Variants in RNF144A observed in about 807,000 individuals in gnomAD.
RNF144A encodes E3 ubiquitin-protein ligase RNF144A.
Under a neutral mutation model 38.7 loss-of-function variants are expected in RNF144A, and 11 were observed. That is an observed-to-expected ratio of 0.28 (90% CI 0.18 to 0.47). The LOEUF is 0.47. Among genes scored for constraint, RNF144A ranks in the 20% least tolerant of loss-of-function variants. The pLI is 0.99. For synonymous variants in RNF144A, 149 were observed against 143.9 expected (o/e 1.04, Z -0.25); for missense variants, 316 against 377.2 (o/e 0.84, Z 1.34).
intron 8 of RNF144A, among the ~76,000 whole-genome samples, chr2:7,037,994 C>T (rs560124772): frequency 6.6e-6 from 1 of 152,370 alleles, no homozygotes; most frequent in South Asian, 2.1e-4. Flanking sequence ...AATGGCGAGG[C>T]CGGCTGGAAA....
chr2:7,059,224 G>A (rs1428529653), intron 6 of RNF144A, among the ~76,000 whole-genome samples: 4 of 152,120 alleles, frequency 2.6e-5, no homozygotes, highest in African/African-American at 4.8e-5. Flanking sequence ...GCGGGTGCCT[G>A]TAGTCCCAGC....
chr2:6,968,777 C>T (rs1035950266), intron 2 of RNF144A, among the ~76,000 whole-genome samples: 4 of 152,144 alleles, frequency 2.6e-5, no homozygotes, highest in South Asian at 2.1e-4. Context: ...GTGAACTTGG[C>T]GAGGGCATTG....
intron 2 of RNF144A, among the ~76,000 whole-genome samples, chr2:6,975,899 G>T (rs1198307829): frequency 6.6e-6 from 1 of 152,232 alleles, no homozygotes; most frequent in African/African-American, 2.4e-5. Context: ...TTTATCGTAG[G>T]ATATATGCTG....
rs567872027 is a variant in RNF144A at position 6,962,480 on chromosome 2, C to G, written c.-12+21333C>G. On this transcript the variant is annotated intron_variant, in intron 2 of 8. Coordinates refer to ENST00000320892, the MANE Select transcript of RNF144A (RefSeq NM_014746.6). This position sits in a 1 kb window ranked among gnomAD's most constrained non-coding sequence, Gnocchi z 4.1. ...CAAGAGAAATGATTTTGGGAGGTTG[C>G]TTTTTGTTAGAAGGGAAGCTCTGCC... Among the ~76,000 whole-genome samples, 1 of 152,210 alleles carries G rather than the reference C, an allele frequency of 6.6e-6. No homozygotes were observed. The highest frequency in any genetic ancestry group is 2.1e-4 in the South Asian group (1 of 4,822).
At chr2:6,977,239 C>T (rs1558399592) in intron 2 of RNF144A, among the ~76,000 whole-genome samples, 1 of 152,224 alleles carries the variant, frequency 6.6e-6, no homozygotes, top group Admixed American at 6.5e-5. Context: ...AAGCAGGATG[C>T]AGAGAGCTTA....
At chr2:6,934,838 G>A (rs2103286014) in intron 1 of RNF144A, among the ~76,000 whole-genome samples, 1 of 152,326 alleles carries the variant, frequency 6.6e-6, no homozygotes, top group Middle Eastern at 3.4e-3. Flanking sequence ...TCTGACCTGG[G>A]CAAGGATTTT....
At chr2:6,983,654 A>G (rs1668777162) in intron 2 of RNF144A, among the ~76,000 whole-genome samples, 1 of 152,018 alleles carries the variant, frequency 6.6e-6, no homozygotes, top group Non-Finnish European at 1.5e-5. Flanking sequence ...GAGTTTCCTG[A>G]CTGTTTCTGA....
intron 6 of RNF144A, among the ~76,000 whole-genome samples, chr2:7,060,800 C>T (rs867302586): frequency 6.6e-5 from 10 of 152,216 alleles, no homozygotes; most frequent in Non-Finnish European, 2.9e-5. Flanking sequence ...CCACCTGACC[C>T]CATCGCCCCT....
At chr2:6,929,906 A>G (rs994559060) in intron 1 of RNF144A, among the ~76,000 whole-genome samples, 1 of 152,220 alleles carries the variant, frequency 6.6e-6, no homozygotes, top group Non-Finnish European at 1.5e-5. Context: ...TTCGAATATG[A>G]TGAAGTGGGT....
chr2:7,018,397 C>G (rs1671282856), intron 5 of RNF144A, among the ~76,000 whole-genome samples: 1 of 152,256 alleles, frequency 6.6e-6, no homozygotes, highest in African/African-American at 2.4e-5. Context: ...ACAGCACTCA[C>G]AGAGGGCAGG....
At chr2:6,996,773 C>T (rs1669772320) in intron 2 of RNF144A, 143 bp from the exon 3 acceptor site, 1 of 807,524 alleles carries the variant, frequency 1.2e-6, no homozygotes, top group African/African-American at 1.7e-5. Context: ...AAAAAATTCT[C>T]AGAACATCCA....
chr2:6,997,179 T>C, intron 3 of RNF144A, 118 bp downstream of exon 3: 1 of 914,512 alleles, frequency 1.1e-6, no homozygotes, highest in South Asian at 1.5e-5. Context: ...TGGAGTCTTC[T>C]TGTTGAGGCC....
chr2:7,071,896 G>A (rs1001428029), downstream of RNF144A, among the ~76,000 whole-genome samples: 8 of 152,346 alleles, frequency 5.3e-5, no homozygotes, highest in African/African-American at 1.9e-4. Flanking sequence ...CTTAAAAGAA[G>A]AAAGAGGGGA....
At chr2:6,932,656 C>T (rs528282754) in intron 1 of RNF144A, among the ~76,000 whole-genome samples, 1 of 152,228 alleles carries the variant, frequency 6.6e-6, no homozygotes, top group South Asian at 2.1e-4. Flanking sequence ...TCAGATAAAT[C>T]AATTGGTTCT....
chr2:6,960,547 T>G (rs1667273128), intron 2 of RNF144A, among the ~76,000 whole-genome samples: 1 of 152,186 alleles, frequency 6.6e-6, no homozygotes, highest in Non-Finnish European at 1.5e-5. Flanking sequence ...AACACCATCT[T>G]GAATTGAAGG....
chr2:7,058,543 T>C (rs1673831021), intron 6 of RNF144A, among the ~76,000 whole-genome samples: 1 of 152,186 alleles, frequency 6.6e-6, no homozygotes, highest in African/African-American at 2.4e-5. Context: ...ATATCAGATA[T>C]CTATGATTAA....
chr2:7,014,849 G>T (rs1671039296), intron 5 of RNF144A, 77 bp downstream of exon 5: 1 of 1,035,914 alleles, frequency 9.7e-7, no homozygotes, highest in South Asian at 1.3e-5. Context: ...AGTTCTTTTG[G>T]TAGATATGGT....
chr2:6,926,406 A>G (rs550410474), intron 1 of RNF144A, among the ~76,000 whole-genome samples: 124 of 152,362 alleles, frequency 8.1e-4, no homozygotes, highest in African/African-American at 3.0e-3. Context: ...CTGGTAACAC[A>G]TGCGAGAGAA....
intron 6 of RNF144A, among the ~76,000 whole-genome samples, chr2:7,058,765 A>G (rs1410737212): frequency 6.6e-6 from 1 of 152,224 alleles, no homozygotes; most frequent in Non-Finnish European, 1.5e-5. Flanking sequence ...GTAGACATAT[A>G]TAAATCTCTT....
Sources: allele counts gnomAD v4.1 joint callset (sites outside exome capture counted in the v4.1 genomes callset), GRCh38; gene constraint gnomAD v4.1.1; non-coding constraint Gnocchi (gnomAD v3.1); transcripts MANE v1.5; gene names NCBI Gene and HGNC (gene_info 2026-07-23, HGNC 2026-07-21).